Variants in LCOR observed in about 807,000 individuals in gnomAD.
The protein encoded by LCOR is ligand-dependent corepressor.
In LCOR, 14 loss-of-function variants were observed where a neutral mutation model predicts 64.4. That is an observed-to-expected ratio of 0.22 (90% CI 0.14 to 0.34). The LOEUF is 0.34. LCOR is among the 10% of genes least tolerant of loss of function. The pLI is 1.00. For missense variants in LCOR, 1,686 were observed against 1,765.3 expected, an observed-to-expected ratio of 0.96 and a Z score of 0.80; for synonymous variants, 643 against 642.5, an observed-to-expected ratio of 1.00 and a Z score of -0.01.
chr10:96,923,261 G>A (rs1396021337), intron 4 of LCOR, among the ~76,000 whole-genome samples: 1 of 152,148 alleles, frequency 6.6e-6, no homozygotes, highest in East Asian at 1.9e-4. Context: ...GTCTATTCGG[G>A]GAGTCTTTGC....
Position 96,860,214 on chromosome 10 carries a change from A to G in LCOR, c.-330+26735A>G, listed in dbSNP as rs558620248. On this transcript the variant is annotated intron_variant, in intron 2 of 7. Transcript: ENST00000421806. ...TGAATTGTGTCCCCCAAAAAGATAC[A>G]ATGAAGTCTTAACCTCCAGTGCCTG... 5.9e-5 allele frequency among the ~76,000 whole-genome samples: 9 copies of G among 152,318 alleles called. No homozygotes were observed. In the South Asian group the frequency reaches 1.9e-3, roughly 32 times the overall value.
chr10:96,862,031 A>G (rs1158847097), intron 2 of LCOR, among the ~76,000 whole-genome samples: 2 of 152,204 alleles, frequency 1.3e-5, no homozygotes, highest in Non-Finnish European at 2.9e-5. Flanking sequence ...ACTTTGCTAG[A>G]GTAGCCCACA....
chr10:96,956,229 T>A, intron 7 of LCOR: 1 of 1,051,230 alleles, frequency 9.5e-7, no homozygotes, highest in South Asian at 4.4e-5. Flanking sequence ...GCATGCTTTT[T>A]TGTTTTTTTT....
chr10:96,942,840 G>A (rs936288053), intron 4 of LCOR, among the ~76,000 whole-genome samples: 2 of 151,726 alleles, frequency 1.3e-5, no homozygotes, highest in African/African-American at 4.8e-5. Flanking sequence ...ACTTATATAT[G>A]GAAATAAAGA....
chr10:96,921,547 C>T (rs1328196782), intron 4 of LCOR, among the ~76,000 whole-genome samples: 2 of 152,132 alleles, frequency 1.3e-5, no homozygotes, highest in African/African-American at 2.4e-5. Flanking sequence ...CCACAACCTC[C>T]GCATCCTGGA....
At position 96,952,084 on chromosome 10, in the gene LCOR, T is replaced by C. The variant is rs1419626054; in HGVS notation, c.239-19T>C. 6.3e-7 allele frequency: 1 copy of C among 1,588,956 alleles called. No individual in the cohort carries two copies. Among genetic ancestry groups the C allele is most frequent in the Admixed American group, 1.7e-5 (1 of 59,262 alleles). ...TCCTAGCTTTTAATATCCTCAGGTG[T>C]TTCTTTGTGTCTCTGCAGACGGTGT... is the stretch of plus-strand genomic sequence containing the variant. On this transcript the variant is annotated intron_variant, in intron 6 of 7. Transcript: ENST00000421806.
At chr10:96,957,140 G>GT in intron 7 of LCOR, 1 of 984,450 alleles carries the variant, frequency 1.0e-6, no homozygotes, top group Non-Finnish European at 1.2e-6. Context: ...CCAAATACTA[G>GT]TAGAAGGGGG....
intron 2 of LCOR, among the ~76,000 whole-genome samples, chr10:96,888,363 CAAAAAAAAAAAAA>C (rs61076542): frequency 1.2e-3 from 36 of 30,542 alleles, no homozygotes; most frequent in Middle Eastern, 0.05. Flanking sequence ...GACTCCGTCT[CAAAAAAAAAAAAA>C]AAAAAAAAAA....
chr10:96,889,787 C>G (rs1204195148), intron 2 of LCOR, among the ~76,000 whole-genome samples: 5 of 152,096 alleles, frequency 3.3e-5, no homozygotes, highest in Non-Finnish European at 7.4e-5. Flanking sequence ...TTTGTTTATC[C>G]ACTCTTTAGT....
In LCOR at chr10:96,994,638, A is replaced by G. The variant is rs1432949994; in HGVS notation, c.*9504A>G. ...AGCAAGAGGGAAGAAATTGACCTGT[A>G]TTGTATCATTGGGGAGGCGACTACT... On this transcript the variant is annotated 3_prime_UTR_variant, in exon 8 of 8. Transcript: ENST00000421806. 7 of 144,448 alleles carry G rather than the reference A, an allele frequency of 4.8e-5. No homozygotes were observed. Among genetic ancestry groups the G allele is most frequent in the Admixed American group, 2.8e-4 (4 of 14,130 alleles). The allele number at this position is 144,448 out of a possible 1,614,324, so 8.9% of individuals were successfully genotyped here.
chr10:96,937,603 C>T (rs1023139919), intron 4 of LCOR, among the ~76,000 whole-genome samples: 2 of 151,716 alleles, frequency 1.3e-5, no homozygotes, highest in East Asian at 2.0e-4. Flanking sequence ...CTGCCCGCCT[C>T]GGCCTCCCAA....
At position 96,984,699 on chromosome 10, in the gene LCOR, G is replaced by A. The variant is rs368610197; in HGVS notation, c.4239G>A (p.Lys1413=). ...GCAGCCCTCCAGATAGTAAGAACAAGGGGCCTACGGTGAAAGCCAGCAAAG... is the reference window on the plus strand; with the variant it reads ...GCAGCCCTCCAGATAGTAAGAACAAAGGGCCTACGGTGAAAGCCAGCAAAG... The part of the protein sequence containing the change: ...EGSSPPDSKN[K]GPTVKASKEK... The change falls in exon 8 of 8, where the codon AAG becomes AAA. Residue 1413 remains lysine (K), a synonymous_variant. Transcript: ENST00000421806. 52 of 1,614,052 alleles carry A rather than the reference G, an allele frequency of 3.2e-5. No homozygotes were observed. The highest frequency in any genetic ancestry group is 3.9e-5 in the Non-Finnish European group (46 of 1,180,030).
In LCOR at chr10:96,984,904, C is replaced by T. The variant is rs529169760; in HGVS notation, c.4444C>T (p.Pro1482Ser). The T allele has an allele frequency of 1.2e-6, 2 of 1,613,908 alleles. No individual in the cohort carries two copies. Among genetic ancestry groups the T allele is most frequent in the Admixed American group, 1.7e-5 (1 of 59,930 alleles). Residue 1482 changes from proline (P) to serine (S), a missense_variant, in exon 8 of 8, where the codon CCT (proline) becomes TCT (serine). Transcript: ENST00000421806. ...RKEKENTNKR[P>S]SQSIASETLT... is the part of the protein sequence containing the mutation. Reference sequence around the variant, plus strand: ...AGAAAAAGAGAATACAAACAAAAGGCCTTCCCAGTCTATTGCCTCGGAAAC... The same window carrying T: ...AGAAAAAGAGAATACAAACAAAAGGTCTTCCCAGTCTATTGCCTCGGAAAC...
At chr10:96,881,125 A>AT (rs1846255872) in intron 2 of LCOR, among the ~76,000 whole-genome samples, 1 of 152,112 alleles carries the variant, frequency 6.6e-6, no homozygotes, top group South Asian at 2.1e-4. Context: ...CACCTGAAAT[A>AT]TTTATTATCT....
intron 2 of LCOR, among the ~76,000 whole-genome samples, chr10:96,849,017 T>TG (rs969070234): frequency 5.3e-5 from 8 of 150,750 alleles, no homozygotes; most frequent in East Asian, 1.9e-4. Flanking sequence ...AAATGTTTTT[T>TG]TTTTTTTTTT....
intron 2 of LCOR, among the ~76,000 whole-genome samples, chr10:96,862,278 TTTTC>T (rs1564606706): frequency 6.6e-6 from 1 of 152,048 alleles, no homozygotes; most frequent in Non-Finnish European, 1.5e-5. Context: ...TTTTTTTTTC[TTTTC>T]TTTGTTTTTG....
intron 2 of LCOR, among the ~76,000 whole-genome samples, chr10:96,873,209 T>C (rs1846101583): frequency 6.6e-6 from 1 of 152,144 alleles, no homozygotes; most frequent in East Asian, 1.9e-4. Flanking sequence ...ATTGGTACCA[T>C]GAAGTAAATG....
intron 2 of LCOR, among the ~76,000 whole-genome samples, chr10:96,866,729 C>T (rs1057429383): frequency 6.6e-6 from 1 of 151,818 alleles, no homozygotes; most frequent in African/African-American, 2.4e-5. Context: ...CGCACACTAC[C>T]ACACCCAGCT....
intron 5 of LCOR, 71 bp from the exon 6 acceptor site, chr10:96,948,937 T>C (rs1847630853): frequency 8.7e-7 from 1 of 1,145,068 alleles, no homozygotes. Flanking sequence ...AATGAAATTT[T>C]ATGTTTACTT....
Sources: gnomAD v4.1 joint callset for allele counts (sites outside exome capture counted in the v4.1 genomes callset) on GRCh38, gnomAD v4.1.1 for gene constraint, MANE v1.5 for transcripts, NCBI Gene and HGNC (gene_info 2026-07-23, HGNC 2026-07-21) for gene names.